Variants in CNTNAP2 observed in about 807,000 individuals in gnomAD.
The protein encoded by CNTNAP2 is contactin-associated protein-like 2.
CNTNAP2 carries 98 observed loss-of-function variants against 155.2 expected under a neutral mutation model. The observed-to-expected ratio is 0.63, with a 90% CI of 0.54 to 0.75. The LOEUF is 0.75. CNTNAP2 is among the 30% of genes least tolerant of loss of function. CNTNAP2 has a pLI of 0.00. For missense variants in CNTNAP2, 1,727 were observed against 1,688.1 expected (o/e 1.02, Z -0.40); for synonymous variants, 651 against 631.2 (o/e 1.03, Z -0.47).
chr7:147,638,985 A>G lies in CNTNAP2; in HGVS notation c.1898-121A>G, dbSNP rs868518386. On this transcript the variant is annotated intron_variant, in intron 12 of 23. Coordinates refer to ENST00000361727, the MANE Select transcript of CNTNAP2 (RefSeq NM_014141.6). ...GGGGGTTTTAAGGATTGCTCTCCTT[A>G]ACACTGTTCTACACCAGCTCAGTAA... 114 of 1,007,800 alleles carry G rather than the reference A, an allele frequency of 1.1e-4. No individual in the cohort carries two copies. The Middle Eastern group carries it at 1.6e-3, about 14-fold the overall frequency. The allele number at this position is 1,007,800 out of a possible 1,614,324, so 62.4% of individuals were successfully genotyped here.
intron 21 of CNTNAP2, among the ~76,000 whole-genome samples, chr7:148,307,916 T>C (rs901530867): frequency 5.9e-5 from 9 of 152,100 alleles, no homozygotes; most frequent in African/African-American, 2.2e-4. Context: ...GAGGTTGCAG[T>C]GAGCTGAGAT....
intron 12 of CNTNAP2, among the ~76,000 whole-genome samples, chr7:147,570,127 T>G (rs543495656): frequency 4.9e-4 from 74 of 152,034 alleles, no homozygotes; most frequent in African/African-American, 1.7e-3. Context: ...TTTGATTAAC[T>G]CAAACCCACC....
At chr7:147,925,671 C>A (rs11983629) in intron 14 of CNTNAP2, among the ~76,000 whole-genome samples, 46,864 of 151,922 alleles carry the variant, frequency 0.31, 7,758 homozygotes, top group East Asian at 0.54. Context: ...CCATGTTAGC[C>A]AGGATAGTCT....
chr7:146,866,569 G>T (rs1259025246), intron 3 of CNTNAP2, among the ~76,000 whole-genome samples: 1 of 152,066 alleles, frequency 6.6e-6, no homozygotes, highest in Non-Finnish European at 1.5e-5. Context: ...GTGATGGAAA[G>T]GTATGTCCAT....
At chr7:146,778,329 T>C (rs1488128935) in intron 2 of CNTNAP2, among the ~76,000 whole-genome samples, 1 of 152,228 alleles carries the variant, frequency 6.6e-6, no homozygotes, top group East Asian at 1.9e-4. Flanking sequence ...TAGTTTATGG[T>C]TCTCCACAAT....
At chr7:147,495,778 A>G (rs1411961122) in intron 11 of CNTNAP2, among the ~76,000 whole-genome samples, 3 of 152,136 alleles carry the variant, frequency 2.0e-5, no homozygotes, top group Admixed American at 6.5e-5. Flanking sequence ...ACTTATATCC[A>G]TTAGAACAGG....
At chr7:147,429,998 C>G (rs1184687813) in intron 10 of CNTNAP2, among the ~76,000 whole-genome samples, 1 of 152,024 alleles carries the variant, frequency 6.6e-6, no homozygotes, top group African/African-American at 2.4e-5. Context: ...TAATGTGATG[C>G]TTCCATATTT....
At chr7:146,657,227 TCTC>T in intron 1 of CNTNAP2, among the ~76,000 whole-genome samples, 1 of 152,288 alleles carries the variant, frequency 6.6e-6, no homozygotes, top group Middle Eastern at 3.4e-3. Context: ...GGCATATTCT[TCTC>T]CTGAGCTTTC....
chr7:146,328,220 T>A (rs939426569), intron 1 of CNTNAP2, among the ~76,000 whole-genome samples: 1 of 152,152 alleles, frequency 6.6e-6, no homozygotes, highest in Non-Finnish European at 1.5e-5. Context: ...GCACTCCTTA[T>A]GAGAATCTAA....
intron 14 of CNTNAP2, among the ~76,000 whole-genome samples, chr7:147,906,500 T>A (rs1189704107): frequency 6.6e-6 from 1 of 151,772 alleles, no homozygotes; most frequent in Non-Finnish European, 1.5e-5. Context: ...ATTTTTTATT[T>A]TTTTTTTTGA....
chr7:146,938,963 G>A (rs1215886283), intron 3 of CNTNAP2, among the ~76,000 whole-genome samples: 2 of 152,036 alleles, frequency 1.3e-5, no homozygotes, highest in Non-Finnish European at 2.9e-5. Context: ...AAGTTTTAGT[G>A]CAGAAAGACA....
chr7:147,156,394 T>A (rs1292195876), intron 8 of CNTNAP2, among the ~76,000 whole-genome samples: 4 of 152,210 alleles, frequency 2.6e-5, no homozygotes, highest in Admixed American at 1.3e-4. Flanking sequence ...TGCTTTGTTC[T>A]CATTCTGACA....
chr7:147,963,965 C>A (rs1221229987), intron 14 of CNTNAP2, among the ~76,000 whole-genome samples: 2 of 152,100 alleles, frequency 1.3e-5, no homozygotes, highest in Non-Finnish European at 2.9e-5. Flanking sequence ...ATGGACTGAA[C>A]TGTGTCCTCT....
chr7:147,570,712 C>T (rs1800271861), intron 12 of CNTNAP2, among the ~76,000 whole-genome samples: 1 of 152,108 alleles, frequency 6.6e-6, no homozygotes, highest in South Asian at 2.1e-4. Flanking sequence ...GATGATGAAA[C>T]TAGAGCTCAG....
At chr7:146,351,874 A>T (rs555498051) in intron 1 of CNTNAP2, among the ~76,000 whole-genome samples, 1 of 152,310 alleles carries the variant, frequency 6.6e-6, no homozygotes, top group African/African-American at 2.4e-5. Flanking sequence ...TCTATTCCCC[A>T]ACTGTGAAAG....
At chr7:146,387,067 C>T (rs1795471777) in intron 1 of CNTNAP2, among the ~76,000 whole-genome samples, 1 of 152,140 alleles carries the variant, frequency 6.6e-6, no homozygotes, top group Non-Finnish European at 1.5e-5. Flanking sequence ...ATAAAAAGCA[C>T]TCCCAAGTCA....
intron 16 of CNTNAP2, among the ~76,000 whole-genome samples, chr7:148,138,099 C>A (rs1391252239): frequency 6.6e-6 from 1 of 152,154 alleles, no homozygotes; most frequent in Non-Finnish European, 1.5e-5. Context: ...CCACAGAAAC[C>A]AGAAAACAGA....
intron 13 of CNTNAP2, among the ~76,000 whole-genome samples, chr7:147,818,317 A>C (rs1227728116): frequency 6.6e-6 from 1 of 152,214 alleles, no homozygotes; most frequent in Non-Finnish European, 1.5e-5. Context: ...TCTTCAATCA[A>C]GAACATATTA....
Position 148,283,300 on chromosome 7 carries a change from AAAGAAAGGAAGGAAGG to A in CNTNAP2, c.3475+16178_3475+16193del, listed in dbSNP as rs1563024743. ...GAAAGAAAGAAAGAAAGAAAGAAAG[AAAGAAAGGAAGGAAGG>A]AAGGAAAGAAAGAAAGAATTCTTAT... On this transcript the variant is annotated intron_variant, in intron 21 of 23. Coordinates refer to ENST00000361727, the MANE Select transcript of CNTNAP2 (RefSeq NM_014141.6). 5.6e-4 allele frequency among the ~76,000 whole-genome samples: 56 copies of A among 99,292 alleles called. 6 individuals carry two copies. Among genetic ancestry groups the A allele is most frequent in the Non-Finnish European group, 7.2e-4 (36 of 49,834 alleles). 65.1% of individuals were successfully genotyped at this position (99,292 alleles called of 152,430 possible). A position where few individuals can be genotyped will look rare whatever the true frequency, so the allele number is the denominator to read the frequency against.
Sources: allele counts gnomAD v4.1 joint callset (sites outside exome capture counted in the v4.1 genomes callset), GRCh38; gene constraint gnomAD v4.1.1; transcripts MANE v1.5; gene names NCBI Gene and HGNC (gene_info 2026-07-23, HGNC 2026-07-21).